Variants in SBF2 observed in about 807,000 individuals in gnomAD.
SBF2 encodes SET binding factor 2, also known as myotubularin-related protein 13.
Under a neutral mutation model 225.2 loss-of-function variants are expected in SBF2, and 112 were observed. That is an observed-to-expected ratio of 0.50 (90% confidence interval 0.43 to 0.58). The LOEUF (loss-of-function observed/expected upper bound fraction) is 0.58. Ranked by LOEUF, SBF2 falls within the 20% of genes least tolerant of loss-of-function variation. The pLI, the probability that SBF2 is intolerant of heterozygous loss-of-function variation, is 0.00. For missense variants in SBF2, 1,996 were observed against 2,206.2 expected, an observed-to-expected ratio of 0.90 and a Z score of 1.91; for synonymous variants, 763 against 773.3, an observed-to-expected ratio of 0.99 and a Z score of 0.22.
chr11:10,288,996 T>C (rs1963982964), intron 1 of SBF2, among the ~76,000 whole-genome samples: 1 of 152,178 alleles, frequency 6.6e-6, no homozygotes, highest in Non-Finnish European at 1.5e-5. Flanking sequence ...CCCAGGCTTC[T>C]CGCTTCAAGG....
At chr11:10,125,686 A>G (rs187143952) in intron 2 of SBF2, among the ~76,000 whole-genome samples, 123 of 152,332 alleles carry the variant, frequency 8.1e-4, no homozygotes, top group Admixed American at 3.5e-3. Flanking sequence ...GTATAATACT[A>G]TCAACTAAGC....
At chr11:9,934,795 G>A (rs35678828) in intron 16 of SBF2, among the ~76,000 whole-genome samples, 2 of 152,066 alleles carry the variant, frequency 1.3e-5, no homozygotes, top group Non-Finnish European at 2.9e-5. Context: ...AGGTATTGAC[G>A]GAACGTACCT....
chr11:9,934,756 C>T (rs1864758765), intron 16 of SBF2, among the ~76,000 whole-genome samples: 1 of 152,104 alleles, frequency 6.6e-6, no homozygotes, highest in Non-Finnish European at 1.5e-5. Context: ...AATTCAACAG[C>T]CCTTCATGCT....
intron 17 of SBF2, among the ~76,000 whole-genome samples, chr11:9,877,251 T>C (rs1472955325): frequency 6.6e-6 from 1 of 152,150 alleles, no homozygotes; most frequent in Non-Finnish European, 1.5e-5. Context: ...AAATAAATAA[T>C]ACTCTACCGT....
chr11:9,784,769 T>A (rs916331040), intron 37 of SBF2, among the ~76,000 whole-genome samples: 2 of 152,230 alleles, frequency 1.3e-5, no homozygotes, highest in Non-Finnish European at 2.9e-5. Context: ...TTGGCTGTCC[T>A]AGCTTATGTG....
chr11:10,104,883 TA>T (rs1455205421), intron 2 of SBF2, among the ~76,000 whole-genome samples: 1 of 152,244 alleles, frequency 6.6e-6, no homozygotes, highest in African/African-American at 2.4e-5. Flanking sequence ...TCTTTGACTA[TA>T]TTATTTTCTC....
chr11:9,853,041 A>T (rs1857070149), intron 20 of SBF2, among the ~76,000 whole-genome samples: 1 of 152,234 alleles, frequency 6.6e-6, no homozygotes, highest in South Asian at 2.1e-4. Flanking sequence ...AAAATGTGGG[A>T]CAGCCATACC....
At chr11:9,942,903 GAAAGAAAGAAAGAA>G (rs759371581) in intron 16 of SBF2, among the ~76,000 whole-genome samples, 29,367 of 139,734 alleles carry the variant, frequency 0.21, 3,836 homozygotes, top group Non-Finnish European at 0.3. Flanking sequence ...GAGAGAGAGA[GAAAGAAAGAAAGAA>G]AGAAAGAAAG....
In SBF2 at chr11:9,847,087, T is replaced by C. The variant is rs1347156271; in HGVS notation, c.2807-4A>G. ...CGCACAACTGTCTGCTCACCCACTG[T>C]AAATAGACAGGACACAGCTTCAGCA... On this transcript the variant is annotated splice_region_variant and splice_polypyrimidine_tract_variant and intron_variant, in intron 22 of 39. Transcript: ENST00000256190. 6.2e-7 allele frequency: 1 copy of C among 1,613,740 alleles called. No homozygotes were observed.
chr11:9,834,915 C>A (rs796274940), intron 26 of SBF2, among the ~76,000 whole-genome samples: 3 of 152,312 alleles, frequency 2.0e-5, no homozygotes, highest in African/African-American at 7.2e-5. Context: ...GCACTACACA[C>A]AGACCATCCT....
intron 2 of SBF2, among the ~76,000 whole-genome samples, chr11:10,141,193 A>C (rs1954623980): frequency 6.6e-6 from 1 of 152,196 alleles, no homozygotes; most frequent in African/African-American, 2.4e-5. Context: ...TTGTATTCAG[A>C]AAAGGTTTAT....
At chr11:10,041,394 A>C (rs547076694) in intron 3 of SBF2, among the ~76,000 whole-genome samples, 12 of 152,304 alleles carry the variant, frequency 7.9e-5, no homozygotes, top group African/African-American at 2.9e-4. Context: ...TCTAACTTCA[A>C]ATAGAAGCAA....
Position 9,937,358 on chromosome 11 carries a change from A to G in SBF2, c.1860+24599T>C, listed in dbSNP as rs141458040. On this transcript the variant is annotated intron_variant, in intron 16 of 39. Coordinates refer to ENST00000256190, the MANE Select transcript of SBF2 (RefSeq NM_030962.4). ...TGAAAAAAATTTATCAATTTCATCT[A>G]TTAAATCAGGACACTAAGGAAGAGA... Among the ~76,000 whole-genome samples, 165 of 152,360 alleles carry G rather than the reference A, an allele frequency of 1.1e-3. 1 individual carries two copies. Among genetic ancestry groups the G allele is most frequent in the African/African-American group, 3.6e-3 (149 of 41,594 alleles).
intron 2 of SBF2, among the ~76,000 whole-genome samples, chr11:10,184,305 T>C (rs1167430457): frequency 6.6e-6 from 1 of 152,216 alleles, no homozygotes; most frequent in African/African-American, 2.4e-5. Flanking sequence ...TTGAGCCTTA[T>C]GGGATGTCTT....
intron 19 of SBF2, among the ~76,000 whole-genome samples, chr11:9,853,918 C>T (rs1013176174): frequency 2.0e-5 from 3 of 152,128 alleles, no homozygotes; most frequent in African/African-American, 7.2e-5. Context: ...TACTGTCAGG[C>T]AGTAAGTTTC....
At chr11:10,107,864 T>C (rs1021857881) in intron 2 of SBF2, among the ~76,000 whole-genome samples, 1 of 152,182 alleles carries the variant, frequency 6.6e-6, no homozygotes, top group South Asian at 2.1e-4. Flanking sequence ...AGGTTATGGA[T>C]AGACATCTTT....
At chr11:9,820,650 T>C (rs536900223) in intron 28 of SBF2, among the ~76,000 whole-genome samples, 22 of 152,322 alleles carry the variant, frequency 1.4e-4, no homozygotes, top group Middle Eastern at 3.4e-3. Flanking sequence ...ACCCTTAAGA[T>C]CCAGATACAA....
At chr11:10,113,709 A>T (rs184928939) in intron 2 of SBF2, among the ~76,000 whole-genome samples, 2 of 152,160 alleles carry the variant, frequency 1.3e-5, no homozygotes, top group African/African-American at 4.8e-5. Flanking sequence ...AAAATTATTC[A>T]ATTTTATATT....
At chr11:9,847,565 AT>A (rs1856641368) in intron 22 of SBF2, among the ~76,000 whole-genome samples, 1 of 152,120 alleles carries the variant, frequency 6.6e-6, no homozygotes, top group Non-Finnish European at 1.5e-5. Flanking sequence ...CATCCAAGAT[AT>A]TTAATATAAG....
Sources: gnomAD v4.1 joint callset for allele counts (sites outside exome capture counted in the v4.1 genomes callset) on GRCh38, gnomAD v4.1.1 for gene constraint, MANE v1.5 for transcripts, NCBI Gene and HGNC (gene_info 2026-07-23, HGNC 2026-07-21) for gene names.